Variants in PCSK1 observed in about 807,000 individuals in gnomAD.
The protein encoded by PCSK1 is neuroendocrine convertase 1.
PCSK1 carries 56 observed loss-of-function variants against 90.6 expected under a neutral mutation model. The ratio of observed to expected loss-of-function variants is 0.62; its 90% CI spans 0.50 to 0.77. The LOEUF (loss-of-function observed/expected upper bound fraction) is 0.77. PCSK1 is among the 30% of genes least tolerant of loss of function. The probability of loss-of-function intolerance (pLI) is 0.00; values close to 1 mark genes in which losing one functional copy is unlikely to be tolerated. For missense variants in PCSK1, 801 were observed against 932.6 expected, an observed-to-expected ratio of 0.86 and a Z score of 1.84; for synonymous variants, 348 against 342.4, an observed-to-expected ratio of 1.02 and a Z score of -0.18.
At chr5:96,412,615 G>A in intron 6 of PCSK1, 125 bp from the exon 7 acceptor site, 2 of 849,188 alleles carry the variant, frequency 2.4e-6, no homozygotes, top group African/African-American at 1.7e-5. Context: ...GTAACTACTA[G>A]ATAGATGTCC....
chr5:96,429,090 T>C (rs895356005), intron 2 of PCSK1, 123 bp downstream of exon 2: 3 of 640,688 alleles, frequency 4.7e-6, no homozygotes, highest in Non-Finnish European at 8.3e-6. Flanking sequence ...ATAATACAGA[T>C]AAACAATCTT....
intron 12 of PCSK1, among the ~76,000 whole-genome samples, chr5:96,396,044 T>C (rs186515654): frequency 2.1e-4 from 32 of 152,256 alleles, no homozygotes; most frequent in African/African-American, 7.5e-4. Flanking sequence ...GATGGTGAAA[T>C]TGAGTTGAAG....
At chr5:96,402,712 C>T (rs1401033696) in intron 9 of PCSK1, among the ~76,000 whole-genome samples, 1 of 152,120 alleles carries the variant, frequency 6.6e-6, no homozygotes, top group Non-Finnish European at 1.5e-5. Context: ...ACTAAAGGCT[C>T]AATGCTTTCA....
intron 5 of PCSK1, among the ~76,000 whole-genome samples, chr5:96,419,445 C>CCATA (rs1272686441): frequency 0.011 from 1,597 of 149,514 alleles, 33 homozygotes; most frequent in African/African-American, 0.037. Flanking sequence ...CCCTCTCTCT[C>CCATA]TCTATATATA....
chr5:96,432,852 G>A lies in PCSK1; in HGVS notation c.180+11C>T, dbSNP rs1761549707. 2 of 1,612,206 alleles carry A rather than the reference G, an allele frequency of 1.2e-6. No homozygotes were observed. Among genetic ancestry groups the A allele is most frequent in the Non-Finnish European group, 1.7e-6 (2 of 1,179,402 alleles). On this transcript the variant is annotated intron_variant, in intron 1 of 13. Transcript: ENST00000311106. ...GGCCCCAGAAAGTTTCTTGAAAGTGGAAACTCTTACCTGACCCAAAAGGTC... is the reference window on the plus strand; with the variant it reads ...GGCCCCAGAAAGTTTCTTGAAAGTGAAAACTCTTACCTGACCCAAAAGGTC...
At chr5:96,427,877 C>T (rs993082010) in intron 2 of PCSK1, among the ~76,000 whole-genome samples, 2 of 152,134 alleles carry the variant, frequency 1.3e-5, no homozygotes, top group African/African-American at 4.8e-5. Context: ...AGCCCACACA[C>T]GATGAGCCCT....
chr5:96,403,018 C>T (rs1256861004), intron 9 of PCSK1, among the ~76,000 whole-genome samples: 1 of 152,064 alleles, frequency 6.6e-6, no homozygotes, highest in Non-Finnish European at 1.5e-5. Flanking sequence ...ACCAGTTTTC[C>T]GTTTGGATCA....
At chr5:96,411,257 C>T (rs1189083761) in intron 7 of PCSK1, among the ~76,000 whole-genome samples, 5 of 152,220 alleles carry the variant, frequency 3.3e-5, no homozygotes, top group East Asian at 3.8e-4. Flanking sequence ...CATAATCTAG[C>T]GTTTTGCACT....
intron 11 of PCSK1, among the ~76,000 whole-genome samples, chr5:96,398,158 T>C (rs1760227455): frequency 6.6e-6 from 1 of 152,184 alleles, no homozygotes; most frequent in Non-Finnish European, 1.5e-5. Flanking sequence ...CTAGAAAGCA[T>C]AACTTCAAAA....
intron 12 of PCSK1, 55 bp from the exon 13 acceptor site, chr5:96,395,080 CT>C (rs1760086900): frequency 7.5e-7 from 1 of 1,341,996 alleles, no homozygotes; most frequent in African/African-American, 1.4e-5. Flanking sequence ...ATAAAACAAA[CT>C]CATTCAAAAT....
chr5:96,429,179 A>G (rs528410148), intron 2 of PCSK1, 34 bp downstream of exon 2: 3 of 1,027,844 alleles, frequency 2.9e-6, no homozygotes, highest in Non-Finnish European at 4.6e-6. Flanking sequence ...GATAAGCTAG[A>G]GTATTGGTTT....
chr5:96,394,055 G>T (rs1580742184), intron 13 of PCSK1, among the ~76,000 whole-genome samples: 1 of 152,358 alleles, frequency 6.6e-6, no homozygotes, highest in East Asian at 1.9e-4. Flanking sequence ...AATGGAACTA[G>T]AATTCAAGCT....
chr5:96,431,734 G>A (rs1307944022), intron 1 of PCSK1, among the ~76,000 whole-genome samples: 2 of 152,146 alleles, frequency 1.3e-5, no homozygotes, highest in African/African-American at 4.8e-5. Flanking sequence ...AGAGGGTTCG[G>A]TCTACAGAAT....
At position 96,392,922 on chromosome 5, in the gene PCSK1, A is replaced by G; in HGVS notation, c.*79T>C. The G allele has an allele frequency of 7.0e-7, 1 of 1,425,412 alleles. No individual in the cohort carries two copies. Among genetic ancestry groups the G allele is most frequent in the Non-Finnish European group, 9.9e-7 (1 of 1,011,820 alleles). 88.3% of individuals were successfully genotyped at this position (1,425,412 alleles called of 1,614,324 possible). A position where few individuals can be genotyped will look rare whatever the true frequency, so the allele number is the denominator to read the frequency against. ...TATAAGCATAAGAATTCATGACAAA[A>G]CAACCACTTCAGACACAGGCAAAAT... On this transcript the variant is annotated 3_prime_UTR_variant, in exon 14 of 14. Transcript: ENST00000311106.
intron 3 of PCSK1, among the ~76,000 whole-genome samples, chr5:96,425,086 A>G (rs1761265723): frequency 6.6e-6 from 1 of 151,680 alleles, no homozygotes; most frequent in African/African-American, 2.4e-5. Flanking sequence ...ACGTAGGGTC[A>G]AGAGAAACTG....
Position 96,421,921 on chromosome 5 carries a change from G to A in PCSK1, c.579C>T (p.Asp193=), listed in dbSNP as rs1349477842. ...GATCATATCGGGGAAATGGATCATG[G>A]TCATTATCATTAAAATCATAGCTAG... ...PEASYDFNDN[D]HDPFPRYDPT... is the part of the protein sequence containing the mutation. The change falls in exon 5 of 14, where the codon GAC becomes GAT. Residue 193 remains aspartate, a synonymous_variant. Transcript: ENST00000311106. 1 of 1,572,078 alleles carries A rather than the reference G, an allele frequency of 6.4e-7. No homozygotes were observed. The highest frequency in any genetic ancestry group is 8.7e-7 in the Non-Finnish European group (1 of 1,148,714).
At chr5:96,403,436 C>CCCGGTGTATT (rs1760452857) in intron 9 of PCSK1, among the ~76,000 whole-genome samples, 1 of 151,958 alleles carries the variant, frequency 6.6e-6, no homozygotes, top group South Asian at 2.1e-4. Flanking sequence ...CATGACAGGC[C>CCCGGTGTATT]CCGGTGTATT....
rs747554535 is a variant in PCSK1 at position 96,432,843 on chromosome 5, T to C, written c.180+20A>G. 10 of 1,610,774 alleles carry C rather than the reference T, an allele frequency of 6.2e-6. No homozygotes were observed. Among genetic ancestry groups the C allele is most frequent in the South Asian group, 5.5e-5 (5 of 90,982 alleles). On this transcript the variant is annotated intron_variant, in intron 1 of 13. Transcript: ENST00000311106. ...GTCCCCTGGGGCCCCAGAAAGTTTC[T>C]TGAAAGTGGAAACTCTTACCTGACC...
At chr5:96,408,131 C>A in intron 9 of PCSK1, 92 bp downstream of exon 9, 1 of 879,526 alleles carries the variant, frequency 1.1e-6, no homozygotes, top group Non-Finnish European at 1.9e-6. Context: ...TCCAAAATTT[C>A]TCCTGTAACC....
Sources: gnomAD v4.1 joint callset for allele counts (sites outside exome capture counted in the v4.1 genomes callset) on GRCh38, gnomAD v4.1.1 for gene constraint, MANE v1.5 for transcripts, NCBI Gene and HGNC (gene_info 2026-07-23, HGNC 2026-07-21) for gene names.